FAM222A: variants seen among roughly 807,000 people sequenced by gnomAD.
FAM222A encodes the protein protein FAM222A.
In FAM222A, 7 loss-of-function variants were observed where a neutral mutation model predicts 25.8. The ratio of observed to expected loss-of-function variants is 0.27; its 90% confidence interval spans 0.15 to 0.51. The LOEUF is 0.51. Ranked by LOEUF, FAM222A falls within the 20% of genes least tolerant of loss-of-function variation. FAM222A has a pLI of 0.97. For missense variants in FAM222A, 573 were observed against 640.5 expected, an observed-to-expected ratio of 0.89 and a Z score of 1.14; for synonymous variants, 294 against 298.8, an observed-to-expected ratio of 0.98 and a Z score of 0.17.
Position 109,770,118 on chromosome 12 carries a change from A to C in FAM222A, c.*830A>C, listed in dbSNP as rs1025404699. 146 of 152,446 alleles carry C rather than the reference A, an allele frequency of 9.6e-4. 1 individual carries two copies. The highest frequency in any genetic ancestry group is 3.4e-3 in the African/African-American group (141 of 41,558). The allele number at this position is 152,446 out of a possible 1,614,324, so 9.4% of individuals were successfully genotyped here. On this transcript the variant is annotated 3_prime_UTR_variant, in exon 3 of 3. Transcript: ENST00000538780. The stretch of plus-strand genomic sequence containing the variant: ...TTTCCTGTTCGCACAAAGGCACCAC[A>C]GGGGCTAACAGTGGGCCTGCAATCT...
rs1004468253 is a variant in FAM222A, at chr12:109,713,911, A to G, written c.-1033A>G. ...CGCGCGCCGGCCGGGGGAGGCGGAC[A>G]GCCGGGCCCGGCGCCTGTGGGGCGC... On this transcript the variant is annotated 5_prime_UTR_variant, in exon 1 of 3. Coordinates refer to ENST00000538780, the MANE Select transcript of FAM222A (RefSeq NM_032829.3). Among the ~76,000 whole-genome samples the G allele has an allele frequency of 2.7e-5, 4 of 146,114 alleles. No homozygotes were observed. Among genetic ancestry groups the G allele is most frequent in the African/African-American group, 9.9e-5 (4 of 40,524 alleles).
intron 2 of FAM222A, 112 bp from the exon 3 acceptor site, chr12:109,767,900 A>G (rs1465641034): frequency 3.8e-6 from 4 of 1,052,672 alleles, no homozygotes; most frequent in African/African-American, 1.6e-5. Context: ...TGTAGAAGGA[A>G]TAAGGAGTAA....
intron 2 of FAM222A, among the ~76,000 whole-genome samples, chr12:109,745,409 G>A (rs949271954): frequency 2.0e-5 from 3 of 152,206 alleles, no homozygotes; most frequent in Admixed American, 6.5e-5. Flanking sequence ...CAGTGCAGTG[G>A]TAAACCCTGG....
intron 2 of FAM222A, among the ~76,000 whole-genome samples, chr12:109,753,620 C>G (rs1393197630): frequency 6.6e-6 from 1 of 152,102 alleles, no homozygotes; most frequent in Admixed American, 6.5e-5. Flanking sequence ...CTCCACCACC[C>G]ATATTGCTCG....
intron 1 of FAM222A, among the ~76,000 whole-genome samples, chr12:109,736,330 GGGTACCACTTAGGCA>G (rs1380806750): frequency 6.6e-6 from 1 of 152,174 alleles, no homozygotes; most frequent in Non-Finnish European, 1.5e-5. Context: ...TGCTAACAAC[GGGTACCACTTAGGCA>G]GCTACCACAA....
At chr12:109,734,845 C>T (rs1356234769) in intron 1 of FAM222A, 3 of 152,232 alleles carry the variant, frequency 2.0e-5, no homozygotes, top group Non-Finnish European at 4.4e-5. Flanking sequence ...AGACACGACG[C>T]CCCTCTACCC....
Position 109,732,847 on chromosome 12 carries a change from C to T in FAM222A, c.-46-11254C>T, listed in dbSNP as rs79308514. Among the ~76,000 whole-genome samples, 1,017 of 152,390 alleles carry T rather than the reference C, an allele frequency of 6.7e-3. 8 individuals carry two copies. The highest frequency in any genetic ancestry group is 0.022 in the African/African-American group (932 of 41,592). ...AGGCCAGGCCCATCATCCCTACCTC[C>T]GTCCCTGACCATCTGCCACCCTGAG... On this transcript the variant is annotated intron_variant, in intron 1 of 2. Coordinates refer to ENST00000538780, the MANE Select transcript of FAM222A (RefSeq NM_032829.3).
At chr12:109,746,291 C>T (rs144463811) in intron 2 of FAM222A, among the ~76,000 whole-genome samples, 2,163 of 152,162 alleles carry the variant, frequency 0.014, 52 homozygotes, top group African/African-American at 0.05. Context: ...GAGTTTGAGA[C>T]CAGCCTGGCC....
chr12:109,746,387 G>A (rs1435844363), intron 2 of FAM222A, among the ~76,000 whole-genome samples: 6 of 152,104 alleles, frequency 3.9e-5, no homozygotes, highest in Non-Finnish European at 8.8e-5. Flanking sequence ...TGCTCAGGAG[G>A]CTAAGGCAGG....
In FAM222A at chr12:109,769,342, G is replaced by A; in HGVS notation, c.*54G>A. On this transcript the variant is annotated 3_prime_UTR_variant, in exon 3 of 3. Coordinates refer to ENST00000538780, the MANE Select transcript of FAM222A (RefSeq NM_032829.3). ...GGACAGGGCGCAGAGCCGGGAGGCA[G>A]GCCGCAGAACAGGGTGGGCGGCTCG... 1 of 1,513,404 alleles carries A rather than the reference G, an allele frequency of 6.6e-7. No homozygotes were observed. Among genetic ancestry groups the A allele is most frequent in the Non-Finnish European group, 8.9e-7 (1 of 1,126,872 alleles). The allele number at this position is 1,513,404 out of a possible 1,614,324, so 93.7% of individuals were successfully genotyped here. A position where few individuals can be genotyped will look rare whatever the true frequency, so the allele number is the denominator to read the frequency against.
chr12:109,760,271 A>G (rs1261487682), intron 2 of FAM222A, among the ~76,000 whole-genome samples: 2 of 152,032 alleles, frequency 1.3e-5, no homozygotes, highest in Non-Finnish European at 2.9e-5. Context: ...ACACATACAG[A>G]CCCGGAGAGC....
intron 2 of FAM222A, among the ~76,000 whole-genome samples, chr12:109,745,277 T>G (rs1455568189): frequency 1.3e-5 from 2 of 152,228 alleles, no homozygotes; most frequent in East Asian, 3.8e-4. Context: ...ATCTATTCTG[T>G]ATGTCAGCTT....
At chr12:109,766,368 G>A (rs1407983743) in intron 2 of FAM222A, among the ~76,000 whole-genome samples, 1 of 152,218 alleles carries the variant, frequency 6.6e-6, no homozygotes, top group Non-Finnish European at 1.5e-5. Context: ...GGCCAGTTGT[G>A]TCCACTTATA....
At chr12:109,767,261 C>T (rs947690745) in intron 2 of FAM222A, among the ~76,000 whole-genome samples, 2 of 151,954 alleles carry the variant, frequency 1.3e-5, no homozygotes, top group Non-Finnish European at 2.9e-5. Context: ...GGTGCAGTGG[C>T]TCATGCCTGT....
At chr12:109,766,355 C>T (rs1047166486) in intron 2 of FAM222A, among the ~76,000 whole-genome samples, 3 of 152,246 alleles carry the variant, frequency 2.0e-5, no homozygotes, top group African/African-American at 4.8e-5. Context: ...TTCCCCATGG[C>T]AGGGCCAGTT....
intron 2 of FAM222A, 125 bp downstream of exon 2, chr12:109,744,353 C>T: frequency 7.0e-7 from 1 of 1,433,676 alleles, no homozygotes; most frequent in Non-Finnish European, 9.2e-7. Context: ...GGCCCCCAGG[C>T]CTTGGCCCCG....
intron 1 of FAM222A, among the ~76,000 whole-genome samples, chr12:109,743,154 A>G (rs1888290613): frequency 6.6e-6 from 1 of 152,120 alleles, no homozygotes. Flanking sequence ...CCTTCTCCTT[A>G]GCAAGAAGGG....
chr12:109,758,158 G>T (rs1888788267), intron 2 of FAM222A, among the ~76,000 whole-genome samples: 1 of 152,184 alleles, frequency 6.6e-6, no homozygotes. Flanking sequence ...GTATGTTGAG[G>T]GTGTCCCTGA....
intron 1 of FAM222A, among the ~76,000 whole-genome samples, chr12:109,729,614 A>G (rs1887905582): frequency 6.6e-6 from 1 of 152,410 alleles, no homozygotes; most frequent in Middle Eastern, 3.4e-3. Context: ...ATGTTTGCAT[A>G]GAAGCCGCTG....
Sources: gnomAD v4.1 joint callset for allele counts (sites outside exome capture counted in the v4.1 genomes callset) on GRCh38, gnomAD v4.1.1 for gene constraint, MANE v1.5 for transcripts, NCBI Gene and HGNC (gene_info 2026-07-23, HGNC 2026-07-21) for gene names.